Variants in SPTLC3 observed in about 807,000 individuals in gnomAD.
SPTLC3 encodes the protein serine palmitoyltransferase long chain base subunit 3.
In SPTLC3, 36 loss-of-function variants were observed where a neutral mutation model predicts 59.3. The observed-to-expected ratio is 0.61, with a 90% CI of 0.47 to 0.80. The LOEUF is 0.80. SPTLC3 is among the 30% of genes least tolerant of loss of function. The pLI is 0.00. For missense variants in SPTLC3, 625 were observed against 685.1 expected (o/e 0.91, Z 0.98); for synonymous variants, 257 against 240.8 (o/e 1.07, Z -0.62).
rs1379980010 is a variant in SPTLC3, at chr20:13,118,708, G to C, written c.1152+983G>C. ...AGGCCCAAAACCAGTGCATGCAAGT[G>C]GTATCAACAAAAATCCCCACTTTCT... On this transcript the variant is annotated intron_variant, in intron 8 of 11. Coordinates refer to ENST00000399002, the MANE Select transcript of SPTLC3 (RefSeq NM_018327.4). Among the ~76,000 whole-genome samples, 4 of 152,086 alleles carry C rather than the reference G, an allele frequency of 2.6e-5. No individual in the cohort carries two copies. In the East Asian group the frequency reaches 7.7e-4, roughly 29 times the overall value.
At chr20:13,012,685 G>A (rs1195355329) in intron 1 of SPTLC3, among the ~76,000 whole-genome samples, 1 of 152,184 alleles carries the variant, frequency 6.6e-6, no homozygotes, top group African/African-American at 2.4e-5. Context: ...ACAGCCCCAT[G>A]AAGTGGTAGT....
intron 1 of SPTLC3, among the ~76,000 whole-genome samples, chr20:13,043,157 A>G (rs368874214): frequency 9.8e-5 from 15 of 152,344 alleles, no homozygotes; most frequent in East Asian, 3.9e-4. Flanking sequence ...AGAAGGATCT[A>G]TGCCAATCTT....
At chr20:13,126,366 C>T (rs1342347495) in intron 8 of SPTLC3, among the ~76,000 whole-genome samples, 2 of 152,194 alleles carry the variant, frequency 1.3e-5, no homozygotes, top group Non-Finnish European at 2.9e-5. Context: ...AAACCTGCAG[C>T]ATCCTGCTTT....
intron 9 of SPTLC3, among the ~76,000 whole-genome samples, chr20:13,151,452 G>A (rs914438497): frequency 3.9e-5 from 6 of 152,196 alleles, no homozygotes; most frequent in African/African-American, 1.4e-4. Flanking sequence ...GCATCCCTAA[G>A]AAAGAACAAT....
At chr20:13,033,414 T>C (rs895700498) in intron 1 of SPTLC3, among the ~76,000 whole-genome samples, 10 of 152,220 alleles carry the variant, frequency 6.6e-5, no homozygotes, top group Non-Finnish European at 1.2e-4. Flanking sequence ...GGTTCTGGAA[T>C]CTTTAATGTG....
intron 1 of SPTLC3, among the ~76,000 whole-genome samples, chr20:13,045,284 G>T (rs187986756): frequency 6.6e-6 from 1 of 152,262 alleles, no homozygotes; most frequent in Admixed American, 6.5e-5. Context: ...GTGGCTCAGG[G>T]TCTGTTTATT....
At chr20:13,082,273 C>A (rs1048854305) in intron 4 of SPTLC3, among the ~76,000 whole-genome samples, 2 of 152,114 alleles carry the variant, frequency 1.3e-5, no homozygotes, top group Non-Finnish European at 2.9e-5. Context: ...TAATGACTTG[C>A]CAGTCAATGT....
rs545103247 is a variant in SPTLC3, at chr20:13,158,839, G to A, written c.1416-1164G>A. 8.5e-5 allele frequency among the ~76,000 whole-genome samples: 13 copies of A among 152,332 alleles called. No homozygotes were observed. The South Asian group carries it at 2.7e-3, about 32-fold the overall frequency. ...GGCAGACTGCTCAACAGCAAAACAA[G>A]TGAATGGAAGAGCAGGCTTATTCTC... On this transcript the variant is annotated intron_variant, in intron 10 of 11. Coordinates refer to ENST00000399002, the MANE Select transcript of SPTLC3 (RefSeq NM_018327.4).
chr20:13,037,818 T>C (rs1986800726), intron 1 of SPTLC3, among the ~76,000 whole-genome samples: 1 of 152,136 alleles, frequency 6.6e-6, no homozygotes, highest in African/African-American at 2.4e-5. Context: ...CATGTAAAGT[T>C]CATTGAAGAT....
At chr20:13,150,389 CACATCTCTG>C (rs1186828108) in intron 9 of SPTLC3, among the ~76,000 whole-genome samples, 25 of 152,138 alleles carry the variant, frequency 1.6e-4, no homozygotes, top group Non-Finnish European at 2.8e-4. Context: ...GATGTTTCTA[CACATCTCTG>C]GATTCCTTAC....
chr20:13,009,148 T>G lies in SPTLC3; in HGVS notation c.-120T>G, dbSNP rs1985087977. On this transcript the variant is annotated 5_prime_UTR_variant, in exon 1 of 12. Coordinates refer to ENST00000399002, the MANE Select transcript of SPTLC3 (RefSeq NM_018327.4). ...TCTTCTTCTGGAAAAGCCTGATTGG[T>G]AAGATTCCTTTAAGGGCTCAGCCCC... 2.7e-6 allele frequency: 2 copies of G among 734,480 alleles called. No individual in the cohort carries two copies. Among genetic ancestry groups the G allele is most frequent in the African/African-American group, 1.8e-5 (1 of 56,494 alleles). 45.5% of individuals were successfully genotyped at this position (734,480 alleles called of 1,614,324 possible).
At chr20:13,094,047 T>A (rs932451829) in intron 6 of SPTLC3, among the ~76,000 whole-genome samples, 1 of 152,164 alleles carries the variant, frequency 6.6e-6, no homozygotes, top group Admixed American at 6.5e-5. Flanking sequence ...TTCGACTTCA[T>A]TGAAATGTCC....
intron 1 of SPTLC3, among the ~76,000 whole-genome samples, chr20:13,016,011 AC>A (rs1316921238): frequency 1.3e-5 from 2 of 152,224 alleles, no homozygotes; most frequent in African/African-American, 4.8e-5. Flanking sequence ...CAAATTACAG[AC>A]CAGGAAAATG....
At chr20:13,056,092 C>T (rs576037739) in intron 2 of SPTLC3, among the ~76,000 whole-genome samples, 2 of 152,302 alleles carry the variant, frequency 1.3e-5, no homozygotes, top group East Asian at 3.9e-4. Context: ...CAGTTCTGAA[C>T]GATGGGCTAT....
chr20:13,129,925 T>C (rs1381201406), intron 9 of SPTLC3, among the ~76,000 whole-genome samples: 1 of 152,136 alleles, frequency 6.6e-6, no homozygotes, highest in Non-Finnish European at 1.5e-5. Context: ...TTTACTCCTC[T>C]TGTCATCTTA....
chr20:13,150,306 A>G (rs372227090), intron 9 of SPTLC3, among the ~76,000 whole-genome samples: 5 of 152,358 alleles, frequency 3.3e-5, no homozygotes, highest in East Asian at 1.9e-4. Flanking sequence ...CAAGGGACAC[A>G]TCAGCATGTT....
chr20:13,130,104 T>C (rs2038089263), intron 9 of SPTLC3, among the ~76,000 whole-genome samples: 1 of 152,242 alleles, frequency 6.6e-6, no homozygotes, highest in Admixed American at 6.5e-5. Context: ...TAGTTCTGCC[T>C]GACACATCTT....
chr20:13,148,431 A>T (rs2038566013), intron 9 of SPTLC3, among the ~76,000 whole-genome samples: 1 of 152,154 alleles, frequency 6.6e-6, no homozygotes, highest in Non-Finnish European at 1.5e-5. Context: ...GGTGGGGTCG[A>T]CAGGGAGGTT....
At chr20:13,045,207 G>A (rs1987180050) in intron 1 of SPTLC3, among the ~76,000 whole-genome samples, 1 of 152,158 alleles carries the variant, frequency 6.6e-6, no homozygotes, top group African/African-American at 2.4e-5. Context: ...AGATATGACA[G>A]AAGCGCAGGA....
Sources: gnomAD v4.1 joint callset for allele counts (sites outside exome capture counted in the v4.1 genomes callset) on GRCh38, gnomAD v4.1.1 for gene constraint, MANE v1.5 for transcripts, NCBI Gene and HGNC (gene_info 2026-07-23, HGNC 2026-07-21) for gene names.